TEAD1: variants seen among roughly 807,000 people sequenced by gnomAD.
The protein encoded by TEAD1 is TEA domain transcription factor 1, also known as transcriptional enhancer factor TEF-1.
Under a neutral mutation model 54.9 loss-of-function variants are expected in TEAD1, and 9 were observed. The observed-to-expected ratio is 0.16, with a 90% CI of 0.10 to 0.29. The LOEUF is 0.29. Among genes scored for constraint, TEAD1 ranks in the 10% least tolerant of loss-of-function variants. TEAD1 has a pLI of 1.00. For missense variants in TEAD1, 387 were observed against 535.9 expected, an observed-to-expected ratio of 0.72 and a Z score of 2.74; for synonymous variants, 200 against 187.8, an observed-to-expected ratio of 1.07 and a Z score of -0.53.
chr11:12,710,634 CTG>C (rs1943916743), intron 2 of TEAD1, among the ~76,000 whole-genome samples: 1 of 152,114 alleles, frequency 6.6e-6, no homozygotes, highest in Non-Finnish European at 1.5e-5. Context: ...TGGCCAGACA[CTG>C]TTGTAGGCAC....
chr11:12,845,923 C>T (rs536191930), intron 3 of TEAD1, among the ~76,000 whole-genome samples: 46 of 152,312 alleles, frequency 3.0e-4, no homozygotes, highest in African/African-American at 9.4e-4. Flanking sequence ...CCAGGTCCTG[C>T]GGAGCGCCTT....
intron 2 of TEAD1, among the ~76,000 whole-genome samples, chr11:12,685,427 C>T (rs773615968): frequency 1.3e-5 from 2 of 152,140 alleles, no homozygotes; most frequent in Non-Finnish European, 2.9e-5. Context: ...AATCATATCT[C>T]ATAAAGAAAT....
chr11:12,925,201 C>G, intron 11 of TEAD1, 149 bp downstream of exon 11: 1 of 901,928 alleles, frequency 1.1e-6, no homozygotes, highest in Non-Finnish European at 1.7e-6. Context: ...GAAGAACTAC[C>G]TGAAAATGGG....
chr11:12,724,114 C>G (rs1466457382), intron 2 of TEAD1, among the ~76,000 whole-genome samples: 1 of 152,152 alleles, frequency 6.6e-6, no homozygotes, highest in Non-Finnish European at 1.5e-5. Context: ...CATGGTGATG[C>G]CAAGCCCAAG....
chr11:12,899,498 A>G (rs1042201884), intron 9 of TEAD1, among the ~76,000 whole-genome samples: 1 of 152,172 alleles, frequency 6.6e-6, no homozygotes, highest in Non-Finnish European at 1.5e-5. Context: ...TATAATTGGA[A>G]AAAGTGATGT....
At chr11:12,857,576 C>CTGTGTGTGTG (rs1461148875) in intron 3 of TEAD1, among the ~76,000 whole-genome samples, 1 of 67,928 alleles carries the variant, frequency 1.5e-5, no homozygotes, top group African/African-American at 8.3e-5. Flanking sequence ...CTCTCTCTGT[C>CTGTGTGTGTG]TCTGTGTGTG....
intron 3 of TEAD1, among the ~76,000 whole-genome samples, chr11:12,772,944 C>A (rs1009060964): frequency 3.3e-5 from 5 of 152,028 alleles, no homozygotes; most frequent in Non-Finnish European, 4.4e-5. Flanking sequence ...GGTTGCCCTT[C>A]TCCCTAACTG....
chr11:12,695,686 T>G (rs1943565952), intron 2 of TEAD1, among the ~76,000 whole-genome samples: 1 of 152,246 alleles, frequency 6.6e-6, no homozygotes, highest in African/African-American at 2.4e-5. Flanking sequence ...ACTGATGGAC[T>G]CTTTGGGGTT....
At chr11:12,906,937 A>G (rs1300755060) in intron 10 of TEAD1, among the ~76,000 whole-genome samples, 1 of 152,236 alleles carries the variant, frequency 6.6e-6, no homozygotes, top group East Asian at 1.9e-4. Flanking sequence ...ACTTCAGGCT[A>G]TTATGAATAA....
intron 9 of TEAD1, among the ~76,000 whole-genome samples, chr11:12,897,281 A>G (rs997152358): frequency 6.6e-6 from 1 of 152,236 alleles, no homozygotes; most frequent in African/African-American, 2.4e-5. Context: ...AGAGAAGCAA[A>G]TAAATAATCC....
chr11:12,824,187 C>G (rs1026892134), intron 3 of TEAD1, among the ~76,000 whole-genome samples: 2 of 152,202 alleles, frequency 1.3e-5, no homozygotes, highest in Non-Finnish European at 2.9e-5. Flanking sequence ...TACTCCTCCA[C>G]TCATCCTTCC....
At chr11:12,717,993 T>A (rs2133861273) in intron 2 of TEAD1, among the ~76,000 whole-genome samples, 1 of 152,308 alleles carries the variant, frequency 6.6e-6, no homozygotes, top group South Asian at 2.1e-4. Flanking sequence ...TGGCTCATAG[T>A]GAGCAGCACG....
At chr11:12,757,756 G>T (rs948515566) in intron 2 of TEAD1, among the ~76,000 whole-genome samples, 8 of 152,154 alleles carry the variant, frequency 5.3e-5, no homozygotes, top group African/African-American at 1.9e-4. Context: ...TTTTCTGGTT[G>T]TTGGTTCATT....
intron 9 of TEAD1, among the ~76,000 whole-genome samples, chr11:12,886,181 AG>A (rs1479479290): frequency 1.3e-5 from 2 of 152,378 alleles, no homozygotes; most frequent in East Asian, 3.9e-4. Flanking sequence ...ATATTAAATC[AG>A]TGACTATTTT....
intron 10 of TEAD1, among the ~76,000 whole-genome samples, chr11:12,918,740 G>A (rs557851994): frequency 8.0e-4 from 122 of 152,230 alleles, no homozygotes; most frequent in Non-Finnish European, 9.0e-4. Context: ...TGGAAGCCTC[G>A]CAAATGTCCC....
At chr11:12,733,586 G>A (rs938721506) in intron 2 of TEAD1, among the ~76,000 whole-genome samples, 1 of 152,162 alleles carries the variant, frequency 6.6e-6, no homozygotes. Context: ...GGGTTCTGAG[G>A]TAGACACTTA....
intron 2 of TEAD1, among the ~76,000 whole-genome samples, chr11:12,698,000 G>A (rs866698688): frequency 1.3e-5 from 2 of 148,568 alleles, no homozygotes; most frequent in Non-Finnish European, 3.0e-5. Context: ...TCCAGCCTGG[G>A]CAACAGAGCG....
chr11:12,883,354 A>G (rs1313291549), intron 9 of TEAD1, among the ~76,000 whole-genome samples: 2 of 152,192 alleles, frequency 1.3e-5, no homozygotes, highest in African/African-American at 4.8e-5. Flanking sequence ...CTGGACCCCA[A>G]GGTGCTGTGG....
In TEAD1 at chr11:12,675,025, C is replaced by G. The variant is rs572338753; in HGVS notation, c.-208+191C>G. ...CCGCGCCCCCTCCGAGGTGAGCGGC[C>G]GGGCGCCGCCGCGCGACTTGCCAGG... On this transcript the variant is annotated intron_variant, in intron 1 of 12. Transcript: ENST00000527636. Among the ~76,000 whole-genome samples the G allele has an allele frequency of 1.0e-4, 15 of 147,500 alleles. 1 individual carries two copies. In the South Asian group the frequency reaches 3.1e-3, roughly 31 times the overall value.
Sources: allele counts gnomAD v4.1 joint callset (sites outside exome capture counted in the v4.1 genomes callset), GRCh38; gene constraint gnomAD v4.1.1; transcripts MANE v1.5; gene names NCBI Gene and HGNC (gene_info 2026-07-23, HGNC 2026-07-21).